The following TCAIM variants were observed in gnomAD, a reference collection of about 807,000 sequenced individuals.
TCAIM encodes T cell activation inhibitor, mitochondrial, also known as T-cell activation inhibitor, mitochondrial.
TCAIM carries 36 observed loss-of-function variants against 58.6 expected under a neutral mutation model. The ratio of observed to expected loss-of-function variants is 0.61; its 90% CI spans 0.47 to 0.81. The LOEUF is 0.81. Among genes scored for constraint, TCAIM ranks in the 30% least tolerant of loss-of-function variants. TCAIM has a pLI of 0.00. For missense variants in TCAIM, 466 were observed against 579.6 expected (o/e 0.80, Z 2.01); for synonymous variants, 172 against 193.6 (o/e 0.89, Z 0.93).
intron 2 of TCAIM, among the ~76,000 whole-genome samples, chr3:44,357,323 GCAA>G (rs1198043014): frequency 6.6e-6 from 1 of 151,910 alleles, no homozygotes; most frequent in Non-Finnish European, 1.5e-5. Flanking sequence ...TCCAGCCTGG[GCAA>G]CAAAGCAAGA....
intron 1 of TCAIM, among the ~76,000 whole-genome samples, chr3:44,350,235 G>A (rs1559560171): frequency 6.6e-6 from 1 of 152,124 alleles, no homozygotes; most frequent in Non-Finnish European, 1.5e-5. Context: ...AGGGTCACAA[G>A]GTGCTCAGTG....
rs539923224 is a variant in TCAIM at position 44,394,536 on chromosome 3, T to G, written c.695+1559T>G. Among the ~76,000 whole-genome samples the G allele has an allele frequency of 1.8e-4, 27 of 152,114 alleles. 2 individuals carry two copies. In the South Asian group the frequency reaches 5.6e-3, roughly 32 times the overall value. On this transcript the variant is annotated intron_variant, in intron 6 of 10. Coordinates refer to ENST00000342649, the MANE Select transcript of TCAIM (RefSeq NM_173826.4). ...AGGATTTCTTAAACAAAAAAAGAAA[T>G]AAACATTATTTTACAGTATCATGGA... is the stretch of plus-strand genomic sequence containing the variant.
At chr3:44,385,704 C>T (rs1701728227) in intron 5 of TCAIM, among the ~76,000 whole-genome samples, 2 of 152,128 alleles carry the variant, frequency 1.3e-5, no homozygotes, top group South Asian at 4.1e-4. Context: ...GATTGCGCCA[C>T]TGCACTCCAG....
chr3:44,358,499 C>G, intron 3 of TCAIM: 1 of 479,482 alleles, frequency 2.1e-6, no homozygotes, highest in Non-Finnish European at 3.6e-6. Flanking sequence ...ACAAACTTCT[C>G]TTTCTTGTCA....
intron 10 of TCAIM, among the ~76,000 whole-genome samples, chr3:44,403,641 G>A (rs569734282): frequency 6.6e-6 from 1 of 152,040 alleles, no homozygotes; most frequent in East Asian, 1.9e-4. Flanking sequence ...TTATTAGATT[G>A]TGAGAAAGGA....
intron 4 of TCAIM, among the ~76,000 whole-genome samples, chr3:44,363,463 A>G (rs1446956302): frequency 6.6e-6 from 1 of 152,222 alleles, no homozygotes; most frequent in Non-Finnish European, 1.5e-5. Flanking sequence ...AACACTAGAA[A>G]TCATTAATCA....
intron 4 of TCAIM, among the ~76,000 whole-genome samples, chr3:44,365,911 A>G (rs1164445859): frequency 6.6e-6 from 1 of 152,256 alleles, no homozygotes; most frequent in East Asian, 1.9e-4. Flanking sequence ...ACCTGTTAAT[A>G]GTGATTACCT....
intron 5 of TCAIM, among the ~76,000 whole-genome samples, chr3:44,379,231 G>A (rs1254375287): frequency 3.3e-5 from 5 of 152,052 alleles, no homozygotes; most frequent in Non-Finnish European, 5.9e-5. Context: ...AGATGCTGTG[G>A]TCAGGTTGTG....
At chr3:44,355,372 G>A (rs937507040) in intron 2 of TCAIM, among the ~76,000 whole-genome samples, 2 of 152,144 alleles carry the variant, frequency 1.3e-5, no homozygotes, top group Non-Finnish European at 1.5e-5. Context: ...AGATCAAGTT[G>A]GAAAGATAGA....
At chr3:44,343,617 G>C (rs1700901570) in intron 1 of TCAIM, among the ~76,000 whole-genome samples, 1 of 152,164 alleles carries the variant, frequency 6.6e-6, no homozygotes, top group Non-Finnish European at 1.5e-5. Context: ...GTGCACAGTA[G>C]CTACATGTGG....
At chr3:44,359,498 G>C (rs1701260606) in intron 3 of TCAIM, 1 of 152,132 alleles carries the variant, frequency 6.6e-6, no homozygotes, top group Admixed American at 6.6e-5. Flanking sequence ...TTTGACCTTG[G>C]GTATTTGGGG....
Position 44,357,744 on chromosome 3 carries a change from A to G in TCAIM, c.33A>G (p.Leu11=), listed in dbSNP as rs1559563812. The change falls in exon 3 of 11, where the codon TTA becomes TTG. Residue 11 remains leucine, a synonymous_variant. Transcript: ENST00000342649. ...CCAGTCCACATCTTTTTAAAAGGTTATGTCTAGAGAAGATATTTCCACACT... is the reference window on the plus strand; with the variant it reads ...CCAGTCCACATCTTTTTAAAAGGTTGTGTCTAGAGAAGATATTTCCACACT... MFCHLRPMRR[L]CLEKIFPHWF... 1 of 1,613,976 alleles carries G rather than the reference A, an allele frequency of 6.2e-7. No individual in the cohort carries two copies. The highest frequency in any genetic ancestry group is 8.5e-7 in the Non-Finnish European group (1 of 1,179,954).
chr3:44,339,741 A>G (rs1700816606), intron 1 of TCAIM: 1 of 152,096 alleles, frequency 6.6e-6, no homozygotes, highest in Admixed American at 6.5e-5. Flanking sequence ...GCCCCATTCC[A>G]AGTGTTGCGT....
intron 1 of TCAIM, among the ~76,000 whole-genome samples, chr3:44,352,404 A>G (rs1266945920): frequency 1.3e-5 from 2 of 152,214 alleles, no homozygotes; most frequent in Non-Finnish European, 2.9e-5. Context: ...GAGCTACATT[A>G]TTGGAAAAGT....
rs774393777 is a variant in TCAIM, at chr3:44,396,456, G to A, written c.752G>A (p.Arg251His). 11 of 1,613,478 alleles carry A rather than the reference G, an allele frequency of 6.8e-6. No individual in the cohort carries two copies. Among genetic ancestry groups the A allele is most frequent in the East Asian group, 2.2e-5 (1 of 44,898 alleles). ...TGTAGCCAGCTGCATAGTTTAAGCC[G>A]CTTAGCACAGCAGAATTTGGAAACA... ...HRCSQLHSLS[R>H]LAQQNLETLK... The change falls in exon 7 of 11, where the codon CGC (arginine) becomes CAC (histidine). Residue 251 changes from arginine (R) to histidine (H), a missense_variant. By Grantham distance (29) the Arg-to-His change is conservative. Transcript: ENST00000342649.
chr3:44,401,127 G>T, intron 9 of TCAIM, 76 bp from the exon 10 acceptor site: 1 of 1,542,666 alleles, frequency 6.5e-7, no homozygotes, highest in Non-Finnish European at 8.7e-7. Context: ...TTTTCCTGAA[G>T]ACTAATAAAA....
Position 44,397,857 on chromosome 3 carries a change from G to A in TCAIM, c.885+1023G>A, listed in dbSNP as rs115760577. On this transcript the variant is annotated intron_variant, in intron 8 of 10. Coordinates refer to ENST00000342649, the MANE Select transcript of TCAIM (RefSeq NM_173826.4). ...ATCCACATATCTTCTTTAGTGAAGC[G>A]TCTGTTCAAATCAAATATTTATTTG... is the stretch of plus-strand genomic sequence containing the variant. 3.1e-3 allele frequency among the ~76,000 whole-genome samples: 467 copies of A among 152,100 alleles called. 3 individuals are homozygous for A. The highest frequency in any genetic ancestry group is 0.01 in the African/African-American group (431 of 41,468).
chr3:44,398,133 A>T (rs1701963351), intron 8 of TCAIM, among the ~76,000 whole-genome samples: 1 of 152,138 alleles, frequency 6.6e-6, no homozygotes, highest in Admixed American at 6.6e-5. Context: ...GCACATAAAA[A>T]CATGTTTATT....
At chr3:44,376,581 C>A in intron 5 of TCAIM, among the ~76,000 whole-genome samples, 1 of 151,128 alleles carries the variant, frequency 6.6e-6, no homozygotes, top group Non-Finnish European at 1.5e-5. Flanking sequence ...CAAAAGGAAA[C>A]GAGAAAGGAA....
Sources: gnomAD v4.1 joint callset for allele counts (sites outside exome capture counted in the v4.1 genomes callset) on GRCh38, gnomAD v4.1.1 for gene constraint, MANE v1.5 for transcripts, NCBI Gene and HGNC (gene_info 2026-07-23, HGNC 2026-07-21) for gene names.